Variants in MAP4K4 observed in about 807,000 individuals in gnomAD.
MAP4K4 encodes mitogen-activated protein kinase kinase kinase kinase 4.
In MAP4K4, 38 loss-of-function variants were observed where a neutral mutation model predicts 189.6. The ratio of observed to expected loss-of-function variants is 0.20; its 90% CI spans 0.15 to 0.26. The LOEUF (loss-of-function observed/expected upper bound fraction) is 0.26. Ranked by LOEUF, MAP4K4 falls within the 10% of genes least tolerant of loss-of-function variation. The pLI is 1.00. For synonymous variants in MAP4K4, 610 were observed against 624.3 expected (o/e 0.98, Z 0.34); for missense variants, 1,054 against 1,726.9 (o/e 0.61, Z 6.91).
At chr2:101,850,213 G>A (rs2097238736) in intron 12 of MAP4K4, among the ~76,000 whole-genome samples, 1 of 151,992 alleles carries the variant, frequency 6.6e-6, no homozygotes, top group Admixed American at 6.6e-5. Flanking sequence ...AAATCCCAAA[G>A]GGATTTCTAC....
chr2:101,769,334 C>G (rs2080185003), intron 2 of MAP4K4, among the ~76,000 whole-genome samples: 1 of 152,056 alleles, frequency 6.6e-6, no homozygotes, highest in Admixed American at 6.5e-5. Flanking sequence ...AAGGTAAGGT[C>G]CCTGGCCTCC....
At chr2:101,807,011 C>T (rs1033728232) in intron 3 of MAP4K4, among the ~76,000 whole-genome samples, 13 of 151,558 alleles carry the variant, frequency 8.6e-5, no homozygotes, top group African/African-American at 3.2e-4. Context: ...ATAGCTTCTG[C>T]AGCCTTTTTC....
intron 2 of MAP4K4, among the ~76,000 whole-genome samples, chr2:101,780,555 CAGTT>C (rs973688843): frequency 2.6e-5 from 4 of 152,156 alleles, no homozygotes; most frequent in Non-Finnish European, 5.9e-5. Context: ...AAAATCCACT[CAGTT>C]ATTTTGTGTA....
intron 12 of MAP4K4, among the ~76,000 whole-genome samples, chr2:101,848,202 G>A (rs918346359): frequency 6.6e-6 from 1 of 152,108 alleles, no homozygotes; most frequent in African/African-American, 2.4e-5. Flanking sequence ...ATCATCTCTG[G>A]ATTACTTAAT....
chr2:101,764,167 A>G (rs757901077), intron 2 of MAP4K4, among the ~76,000 whole-genome samples: 1 of 152,158 alleles, frequency 6.6e-6, no homozygotes, highest in South Asian at 2.1e-4. Flanking sequence ...ATGATTGTGC[A>G]TGTATGTATG....
chr2:101,822,743 C>T (rs1313087627), intron 3 of MAP4K4, among the ~76,000 whole-genome samples: 2 of 152,096 alleles, frequency 1.3e-5, no homozygotes, highest in East Asian at 3.9e-4. Flanking sequence ...TACTCAGAGC[C>T]CCTACTCTTC....
At chr2:101,764,878 C>G (rs2077945699) in intron 2 of MAP4K4, among the ~76,000 whole-genome samples, 1 of 152,052 alleles carries the variant, frequency 6.6e-6, no homozygotes, top group South Asian at 2.1e-4. Flanking sequence ...GTGAAATAAT[C>G]TCAGATTAAA....
intron 12 of MAP4K4, 58 bp downstream of exon 12, chr2:101,844,369 GT>G: frequency 7.1e-7 from 1 of 1,400,138 alleles, no homozygotes; most frequent in Non-Finnish European, 9.9e-7. Flanking sequence ...ATTTACACTG[GT>G]AGTTAGCCAC....
intron 13 of MAP4K4, among the ~76,000 whole-genome samples, chr2:101,857,027 C>A (rs1186593466): frequency 6.6e-6 from 1 of 152,196 alleles, no homozygotes. Context: ...CGTTGTCAAC[C>A]ATTTAACTGT....
chr2:101,738,164 C>CT (rs914998098), intron 2 of MAP4K4, among the ~76,000 whole-genome samples: 9 of 152,158 alleles, frequency 5.9e-5, no homozygotes, highest in African/African-American at 1.7e-4. Context: ...GCCCCTTGTA[C>CT]TTTTTTTTCT....
chr2:101,814,058 A>G (rs534269071), intron 3 of MAP4K4, among the ~76,000 whole-genome samples: 157 of 152,344 alleles, frequency 1.0e-3, no homozygotes, highest in Middle Eastern at 3.4e-3. Flanking sequence ...TATTGAAGGC[A>G]TGATGACTGG....
intron 27 of MAP4K4, among the ~76,000 whole-genome samples, chr2:101,880,310 G>A (rs2098347088): frequency 6.6e-6 from 1 of 152,030 alleles, no homozygotes; most frequent in Non-Finnish European, 1.5e-5. Flanking sequence ...TCTAGAATCT[G>A]CTTTACAGCT....
chr2:101,716,811 C>T (rs191118354), intron 2 of MAP4K4, among the ~76,000 whole-genome samples: 1 of 152,228 alleles, frequency 6.6e-6, no homozygotes, highest in Non-Finnish European at 1.5e-5. Flanking sequence ...CTTGGGTTGG[C>T]CGACTTTTTA....
chr2:101,885,157 T>G, intron 28 of MAP4K4, 30 bp from the exon 29 acceptor site: 1 of 1,324,916 alleles, frequency 7.5e-7, no homozygotes. Flanking sequence ...GACCTGTGCT[T>G]CTCTTGCTTT....
At chr2:101,731,640 A>G (rs2058543171) in intron 2 of MAP4K4, among the ~76,000 whole-genome samples, 1 of 152,030 alleles carries the variant, frequency 6.6e-6, no homozygotes, top group Non-Finnish European at 1.5e-5. Context: ...TACACCAGCT[A>G]CTGGAGGGAC....
At chr2:101,796,429 G>T (rs2093698853) in intron 3 of MAP4K4, among the ~76,000 whole-genome samples, 1 of 152,186 alleles carries the variant, frequency 6.6e-6, no homozygotes, top group Non-Finnish European at 1.5e-5. Flanking sequence ...TGTCGGTGAA[G>T]AACTGCAGCT....
chr2:101,751,412 G>A (rs1403649090), intron 2 of MAP4K4, among the ~76,000 whole-genome samples: 1 of 152,162 alleles, frequency 6.6e-6, no homozygotes, highest in Non-Finnish European at 1.5e-5. Flanking sequence ...TCAAGTCCCA[G>A]CTTGTGGTTG....
At chr2:101,831,219 T>G (rs2096586490) in intron 6 of MAP4K4, among the ~76,000 whole-genome samples, 1 of 152,188 alleles carries the variant, frequency 6.6e-6, no homozygotes, top group Non-Finnish European at 1.5e-5. Context: ...TTAGGGTGTG[T>G]TGTTTGTGAA....
chr2:101,811,986 T>C (rs1041971863), intron 3 of MAP4K4, among the ~76,000 whole-genome samples: 3 of 152,222 alleles, frequency 2.0e-5, no homozygotes, highest in African/African-American at 4.8e-5. Context: ...ATTTAAGTTT[T>C]TGTCTTTATC....
Sources: allele counts gnomAD v4.1 joint callset (sites outside exome capture counted in the v4.1 genomes callset), GRCh38; gene constraint gnomAD v4.1.1; transcripts MANE v1.5; gene names NCBI Gene and HGNC (gene_info 2026-07-23, HGNC 2026-07-21).